Variants in LUZP2 observed in about 807,000 individuals in gnomAD.
The protein encoded by LUZP2 is leucine zipper protein 2.
A neutral mutation model predicts 51.6 loss-of-function variants in LUZP2; 52 were observed. The ratio of observed to expected loss-of-function variants is 1.01; its 90% CI spans 0.81 to 1.27. LUZP2 has a LOEUF of 1.27. Ranked by LOEUF, LUZP2 falls within the 50% of genes most tolerant of loss-of-function variation. The probability of loss-of-function intolerance (pLI) is 0.00; values close to 1 mark genes in which losing one functional copy is unlikely to be tolerated. For synonymous variants in LUZP2, 154 were observed against 137.3 expected (o/e 1.12, Z -0.85); for missense variants, 436 against 395.4 (o/e 1.10, Z -0.87).
intron 7 of LUZP2, among the ~76,000 whole-genome samples, chr11:24,958,238 C>T (rs903686682): frequency 3.3e-5 from 5 of 152,102 alleles, no homozygotes; most frequent in Non-Finnish European, 5.9e-5. Flanking sequence ...TTTATAGCAG[C>T]ATGATTTATA....
chr11:24,971,207 G>T (rs146094326), intron 7 of LUZP2, among the ~76,000 whole-genome samples: 8 of 152,058 alleles, frequency 5.3e-5, no homozygotes, highest in Non-Finnish European at 1.5e-5. Flanking sequence ...ATTTTTCCAC[G>T]TACCTGAGAT....
At chr11:25,060,488 G>A (rs1196898079) in intron 10 of LUZP2, among the ~76,000 whole-genome samples, 1 of 152,082 alleles carries the variant, frequency 6.6e-6, no homozygotes, top group African/African-American at 2.4e-5. Context: ...AATTTTGCGG[G>A]GACATAAATA....
At chr11:24,502,820 A>T (rs1190705140) in intron 1 of LUZP2, among the ~76,000 whole-genome samples, 1 of 152,234 alleles carries the variant, frequency 6.6e-6, no homozygotes, top group Non-Finnish European at 1.5e-5. Context: ...ATTAAAATGT[A>T]ATTGCTATAA....
chr11:24,902,171 A>G (rs1281143501), intron 5 of LUZP2, among the ~76,000 whole-genome samples: 1 of 152,186 alleles, frequency 6.6e-6, no homozygotes, highest in Non-Finnish European at 1.5e-5. Flanking sequence ...TCACGAGTAC[A>G]TGTTCAGGGG....
chr11:25,041,329 A>G (rs1173591600), intron 9 of LUZP2, among the ~76,000 whole-genome samples: 1 of 152,178 alleles, frequency 6.6e-6, no homozygotes, highest in African/African-American at 2.4e-5. Context: ...ACAATATACT[A>G]TAATAAAAGC....
intron 7 of LUZP2, among the ~76,000 whole-genome samples, chr11:24,963,762 G>A (rs941358712): frequency 1.2e-4 from 19 of 152,162 alleles, no homozygotes; most frequent in Middle Eastern, 3.4e-3. Flanking sequence ...TGCACGGTGC[G>A]CTGCATCCAC....
intron 9 of LUZP2, among the ~76,000 whole-genome samples, chr11:25,048,499 A>G (rs910673503): frequency 1.3e-5 from 2 of 152,198 alleles, no homozygotes; most frequent in Non-Finnish European, 2.9e-5. Flanking sequence ...CCCAAATGCT[A>G]CCTTTGTCAT....
chr11:24,659,880 A>G lies in LUZP2; in HGVS notation c.63-69289A>G, dbSNP rs968505560. ...GAGCAGAATCTATGAAATATGATGA[A>G]TGTCATTCCTGTGGTGTGATTAGAT... is the stretch of plus-strand genomic sequence containing the variant. On this transcript the variant is annotated intron_variant, in intron 1 of 11. Coordinates refer to ENST00000336930, the MANE Select transcript of LUZP2 (RefSeq NM_001009909.4). 1.3e-4 allele frequency among the ~76,000 whole-genome samples: 20 copies of G among 152,148 alleles called. 1 individual carries two copies. The highest frequency in any genetic ancestry group is 7.9e-4 in the Admixed American group (12 of 15,246).
At chr11:24,867,624 C>T (rs1285524596) in intron 5 of LUZP2, among the ~76,000 whole-genome samples, 1 of 152,088 alleles carries the variant, frequency 6.6e-6, no homozygotes, top group African/African-American at 2.4e-5. Flanking sequence ...TTCAGACGTC[C>T]TATGAAACAG....
At chr11:24,524,174 T>C (rs1012390361) in intron 1 of LUZP2, among the ~76,000 whole-genome samples, 1 of 151,862 alleles carries the variant, frequency 6.6e-6, no homozygotes, top group Non-Finnish European at 1.5e-5. Flanking sequence ...TTAAATGTTA[T>C]ATTTCATTAC....
At chr11:24,699,826 G>C (rs1048128900) in intron 1 of LUZP2, among the ~76,000 whole-genome samples, 1 of 149,992 alleles carries the variant, frequency 6.7e-6, no homozygotes, top group African/African-American at 2.4e-5. Flanking sequence ...TCATAGGAGT[G>C]TATGATGCCA....
At chr11:24,592,344 C>A (rs958440171) in intron 1 of LUZP2, among the ~76,000 whole-genome samples, 1 of 152,088 alleles carries the variant, frequency 6.6e-6, no homozygotes, top group Non-Finnish European at 1.5e-5. Context: ...TTGATTTTTT[C>A]AGCAACTTGG....
chr11:24,826,190 A>AAATAT lies in LUZP2; in HGVS notation c.396+62883_396+62884insATATA, dbSNP rs1215786412. On this transcript the variant is annotated intron_variant, in intron 5 of 11. Coordinates refer to ENST00000336930, the MANE Select transcript of LUZP2 (RefSeq NM_001009909.4). ...GACTCCATCTCAAAAAAAAAAAAAA[A>AAATAT]ATATATATATATATATATAGTAAAA... 8.3e-3 allele frequency among the ~76,000 whole-genome samples: 559 copies of AAATAT among 67,548 alleles called. 13 individuals carry two copies. The highest frequency in any genetic ancestry group is 0.026 in the African/African-American group (448 of 16,982). The allele number at this position is 67,548 out of a possible 152,430, so 44.3% of individuals were successfully genotyped here.
chr11:24,731,894 G>A (rs1407967268), intron 2 of LUZP2, among the ~76,000 whole-genome samples: 4 of 151,600 alleles, frequency 2.6e-5, no homozygotes, highest in Non-Finnish European at 4.4e-5. Context: ...CTCCTCCATC[G>A]AACCTCTGAA....
chr11:24,530,762 C>CTT (rs367857815), intron 1 of LUZP2, among the ~76,000 whole-genome samples: 6,628 of 74,778 alleles, frequency 0.089, 278 homozygotes, highest in Non-Finnish European at 0.12. Context: ...CTTCTTCTTA[C>CTT]TTTTTTTTTT....
intron 9 of LUZP2, among the ~76,000 whole-genome samples, chr11:24,989,873 T>G (rs1856286929): frequency 6.6e-6 from 1 of 151,870 alleles, no homozygotes; most frequent in African/African-American, 2.4e-5. Context: ...AATCAGGTTG[T>G]TTTTTTTCTA....
chr11:24,864,933 G>T (rs1430421813), intron 5 of LUZP2, among the ~76,000 whole-genome samples: 1 of 152,092 alleles, frequency 6.6e-6, no homozygotes, highest in Admixed American at 6.5e-5. Flanking sequence ...CATAATTGTA[G>T]GTTTATTCAG....
At chr11:24,729,062 AG>A (rs1292438104) in intron 1 of LUZP2, 106 bp from the exon 2 acceptor site, 1 of 508,116 alleles carries the variant, frequency 2.0e-6, no homozygotes, top group African/African-American at 2.0e-5. Context: ...TTAGTAATTG[AG>A]GTTTTAACTT....
chr11:24,700,916 C>A (rs1857402776), intron 1 of LUZP2, among the ~76,000 whole-genome samples: 1 of 152,058 alleles, frequency 6.6e-6, no homozygotes, highest in Non-Finnish European at 1.5e-5. Flanking sequence ...TTCTTCATAT[C>A]TTTAATTTCC....
Sources: allele counts gnomAD v4.1 joint callset (sites outside exome capture counted in the v4.1 genomes callset), GRCh38; gene constraint gnomAD v4.1.1; transcripts MANE v1.5; gene names NCBI Gene and HGNC (gene_info 2026-07-23, HGNC 2026-07-21).